The following ITGA7 variants were observed in gnomAD, a reference collection of about 807,000 sequenced individuals.
ITGA7 encodes integrin alpha-7.
A neutral mutation model predicts 131.6 loss-of-function variants in ITGA7; 84 were observed. That is an observed-to-expected ratio of 0.64 (90% CI 0.54 to 0.77). The LOEUF (loss-of-function observed/expected upper bound fraction) is 0.77, where lower values mean the gene tolerates loss of function less well. Among genes scored for constraint, ITGA7 ranks in the 30% least tolerant of loss-of-function variants. The pLI, the probability that ITGA7 is intolerant of heterozygous loss-of-function variation, is 0.00. For missense variants in ITGA7, 1,399 were observed against 1,482.9 expected (o/e 0.94, Z 0.93); for synonymous variants, 548 against 600.7 (o/e 0.91, Z 1.28).
chr12:55,692,879 C>A lies in ITGA7; in HGVS notation c.2809G>T (p.Val937Leu). The A allele has an allele frequency of 6.2e-7, 1 of 1,614,008 alleles. No homozygotes were observed. Among genetic ancestry groups the A allele is most frequent in the Non-Finnish European group, 8.5e-7 (1 of 1,179,960 alleles). The change falls in exon 21 of 25, where the codon GTG becomes TTG. Residue 937 changes from valine (V) to leucine (L), a missense_variant. Val to Leu is a conservative substitution (Grantham distance 32, BLOSUM62 1). Transcript: ENST00000257879. ...TTTTTCTTCTTCTCAGCAGAGGACACTGGCCACCAGGACATGCTGGGCTCC... is the reference window on the plus strand; with the variant it reads ...TTTTTCTTCTTCTCAGCAGAGGACAATGGCCACCAGGACATGCTGGGCTCC... ...RQEPSMSWWP[V>L]SSAEKKKNIT...
rs1873291685 is a variant in ITGA7, at chr12:55,698,889, C to T, written c.819G>A (p.Leu273=). 2 of 1,613,510 alleles carry T rather than the reference C, an allele frequency of 1.2e-6. No homozygotes were observed. The highest frequency in any genetic ancestry group is 4.5e-5 in the East Asian group (2 of 44,856). Reference sequence around the variant, plus strand: ...CAAAGCTCAGCTCTTCTGCACGCACCAGACCTTTCCCCGAGTCAATAGAGA... The same window carrying T: ...CAAAGCTCAGCTCTTCTGCACGCACTAGACCTTTCCCCGAGTCAATAGAGA... ...LGFSIDSGKG[L]VRAEELSFVA... Residue 273 remains leucine, a synonymous_variant, in exon 6 of 25, where the codon CTG becomes CTA. Coordinates refer to ENST00000257879, the MANE Select transcript of ITGA7 (RefSeq NM_002206.3).
rs562159698 is a variant in ITGA7 at position 55,686,700 on chromosome 12, G to C, written c.3183+1271C>G. Among the ~76,000 whole-genome samples, 210 of 152,344 alleles carry C rather than the reference G, an allele frequency of 1.4e-3. 2 individuals are homozygous for C. The highest frequency in any genetic ancestry group is 4.5e-3 in the African/African-American group (187 of 41,590). ...TGATTCCGTGTACTGACGTGTGCAT[G>C]TGCATACTTTTACATTGAGCCCTGG... is the stretch of plus-strand genomic sequence containing the variant. On this transcript the variant is annotated intron_variant, in intron 24 of 24. Coordinates refer to ENST00000257879, the MANE Select transcript of ITGA7 (RefSeq NM_002206.3).
Position 55,685,232 on chromosome 12 carries a change from CG to C in ITGA7, c.3239del (p.Ala1080GlyfsTer2). On this transcript the variant is annotated frameshift_variant, in exon 25 of 25. Coordinates refer to ENST00000257879, the MANE Select transcript of ITGA7 (RefSeq NM_002206.3). LOFTEE classifies it high-confidence loss of function. Reference sequence around the variant, plus strand: ...GTCGGTCTTCCCGAGGAATCTTCACCGCATGGTACTGGGGCACGGTGGCCTC... The same window carrying C: ...GTCGGTCTTCCCGAGGAATCTTCACCCATGGTACTGGGGCACGGTGGCCTC... Reference protein sequence around the residue: ...HPEATVPQYHAVKIPREDRQQ... With the variant: ...HPEATVPQYHXVKIPREDRQQ... 2 of 1,614,212 alleles carry C rather than the reference CG, an allele frequency of 1.2e-6. No homozygotes were observed. Among genetic ancestry groups the C allele is most frequent in the Non-Finnish European group, 1.7e-6 (2 of 1,180,032 alleles).
At chr12:55,701,545 G>T in intron 3 of ITGA7, 1 of 845,700 alleles carries the variant, frequency 1.2e-6, no homozygotes, top group Non-Finnish European at 1.9e-6. Flanking sequence ...CATCTCATCT[G>T]CAAAGAACTT....
At chr12:55,698,139 C>CA (rs1199719311) in intron 7 of ITGA7, 113 bp from the exon 8 acceptor site, 1 of 1,067,076 alleles carries the variant, frequency 9.4e-7, no homozygotes, top group Non-Finnish European at 1.4e-6. Flanking sequence ...TGAGAGGCTA[C>CA]AAAATCCCAG....
Position 55,693,176 on chromosome 12 carries a change from C to G in ITGA7, c.2677G>C (p.Gly893Arg). Residue 893 changes from glycine to arginine, a missense_variant, in exon 20 of 25, where the codon GGG (glycine) becomes CGG (arginine). Coordinates refer to ENST00000257879, the MANE Select transcript of ITGA7 (RefSeq NM_002206.3). ...ATGTTGGGCCTGGGAGAGCAAAGCC[C>G]TTTCTGCCCAGGCCCCTGCCCGCCC... ...LEGGQGPGQK[G>R]LCSPRPNILH... is the part of the protein sequence containing the mutation. The G allele has an allele frequency of 6.2e-7, 1 of 1,614,086 alleles. No individual in the cohort carries two copies.
chr12:55,694,304 A>C lies in ITGA7; in HGVS notation c.2384T>G (p.Val795Gly). Residue 795 changes from valine (V) to glycine (G), a missense_variant, in exon 18 of 25, where the codon GTC (valine) becomes GGC (glycine). By Grantham distance (109) the Val-to-Gly change is moderately radical. Transcript: ENST00000257879. The surrounding 1 kb of genome is among the most constrained non-coding windows in gnomAD (Gnocchi z 5.3). Reference sequence around the variant, plus strand: ...AATGAAGACACGGGCTCGTGCAGAGACTGGATGCAGCTCCTGCTCACTGAT... The same window carrying C: ...AATGAAGACACGGGCTCGTGCAGAGCCTGGATGCAGCTCCTGCTCACTGAT... ...ATISEQELHP[V>G]SARARVFIEL... 1.9e-6 allele frequency: 3 copies of C among 1,613,988 alleles called. No individual in the cohort carries two copies. Among genetic ancestry groups the C allele is most frequent in the Non-Finnish European group, 1.7e-6 (2 of 1,180,038 alleles).
rs145740314 is a variant in ITGA7 at position 55,695,559 on chromosome 12, T to G, written c.1966A>C (p.Thr656Pro). ...NLQLVRARFC[T>P]RVSDTEFQPL... is the part of the protein sequence containing the mutation. ...TGGAATTCCGTGTCGCTGACCCGGG[T>G]ACAGAAGCGGGCGCGGACCAGCTGC... is the stretch of plus-strand genomic sequence containing the variant. Residue 656 changes from threonine (T) to proline (P), a missense_variant, in exon 14 of 25, where the codon ACC (threonine) becomes CCC (proline). Thr to Pro is a conservative substitution (Grantham distance 38). Transcript: ENST00000257879. The G allele has an allele frequency of 6.2e-7, 1 of 1,602,014 alleles. No individual in the cohort carries two copies. Among genetic ancestry groups the G allele is most frequent in the Non-Finnish European group, 8.5e-7 (1 of 1,173,870 alleles).
Position 55,694,766 on chromosome 12 carries a change from C to A in ITGA7, c.2196+12G>T. 3.7e-6 allele frequency: 6 copies of A among 1,614,088 alleles called. No homozygotes were observed. The highest frequency in any genetic ancestry group is 5.1e-6 in the Non-Finnish European group (6 of 1,179,982). On this transcript the variant is annotated intron_variant, in intron 15 of 24. Transcript: ENST00000257879. The surrounding 1 kb of genome is among the most constrained non-coding windows in gnomAD (Gnocchi z 5.3). Reference sequence around the variant, plus strand: ...CTCAAGACCCCACCCCATCCTGCCCCCAGGTCCTCACCGCAGGGTCCAGGG... The same window carrying A: ...CTCAAGACCCCACCCCATCCTGCCCACAGGTCCTCACCGCAGGGTCCAGGG...
chr12:55,698,173 A>G, intron 7 of ITGA7, 147 bp from the exon 8 acceptor site: 1 of 880,802 alleles, frequency 1.1e-6, no homozygotes, highest in Non-Finnish European at 1.8e-6. Flanking sequence ...ATCATCTTTA[A>G]TCCTCTTGGC....
upstream of ITGA7, among the ~76,000 whole-genome samples, chr12:55,710,457 A>AATT (rs1213710825): frequency 1.6e-3 from 248 of 152,216 alleles, 3 homozygotes; most frequent in East Asian, 7.9e-3. Context: ...TATTTCAGTC[A>AATT]AGAGCTTAGG....
At chr12:55,701,846 G>T (rs1475886841) in intron 3 of ITGA7, among the ~76,000 whole-genome samples, 1 of 152,174 alleles carries the variant, frequency 6.6e-6, no homozygotes, top group Non-Finnish European at 1.5e-5. Context: ...CTCTGCAGAA[G>T]TCTTCTCTCT....
chr12:55,697,662 C>G (rs1019525698), intron 9 of ITGA7, 33 bp downstream of exon 9: 1 of 1,614,006 alleles, frequency 6.2e-7, no homozygotes, highest in Non-Finnish European at 8.5e-7. Context: ...GGGCTGACGG[C>G]CTCAGGGAGG....
intron 24 of ITGA7, among the ~76,000 whole-genome samples, chr12:55,685,593 C>T (rs953613359): frequency 6.6e-6 from 1 of 152,058 alleles, no homozygotes; most frequent in East Asian, 1.9e-4. Context: ...AAGATTTGTA[C>T]CCCCTCTAGC....
At chr12:55,709,257 C>A (rs564314409), upstream of ITGA7, among the ~76,000 whole-genome samples, 3 of 152,202 alleles carry the variant, frequency 2.0e-5, no homozygotes, top group Non-Finnish European at 4.4e-5. Flanking sequence ...ATTCTTTCTT[C>A]TCTTTCCCTT....
chr12:55,696,861 T>C, intron 12 of ITGA7, 38 bp downstream of exon 12: 1 of 1,611,398 alleles, frequency 6.2e-7, no homozygotes, highest in Non-Finnish European at 8.5e-7. Flanking sequence ...GATGGAGCCA[T>C]GAAAATGACC....
At chr12:55,711,495 T>A (rs1049712489), upstream of ITGA7, among the ~76,000 whole-genome samples, 44 of 151,720 alleles carry the variant, frequency 2.9e-4, no homozygotes, top group East Asian at 9.7e-4. Flanking sequence ...AAAAAAAATT[T>A]AAAAATTTTG....
chr12:55,702,799 C>G, intron 3 of ITGA7, 73 bp downstream of exon 3: 1 of 1,260,122 alleles, frequency 7.9e-7, no homozygotes, highest in Middle Eastern at 1.9e-4. Context: ...CACACCTATG[C>G]GTATGCACAC....
Position 55,693,269 on chromosome 12 carries a change from T to G in ITGA7, c.2584A>C (p.Asn862His), listed in dbSNP as rs1475190884. The change falls in exon 20 of 25, where the codon AAC becomes CAC. Residue 862 changes from asparagine to histidine, a missense_variant. By Grantham distance (68) the Asn-to-His change is moderately conservative. Coordinates refer to ENST00000257879, the MANE Select transcript of ITGA7 (RefSeq NM_002206.3). Reference sequence around the variant, plus strand: ...GCAATCTCATGAGGCCACATGATGTTGAGGAAGGCAGAGCCCAGGGTTCTG... The same window carrying G: ...GCAATCTCATGAGGCCACATGATGTGGAGGAAGGCAGAGCCCAGGGTTCTG... ...SLRTLGSAFL[N>H]IMWPHEIANG... 1 of 1,614,064 alleles carries G rather than the reference T, an allele frequency of 6.2e-7. No homozygotes were observed. Among genetic ancestry groups the G allele is most frequent in the Non-Finnish European group, 8.5e-7 (1 of 1,180,028 alleles).
Sources: allele counts gnomAD v4.1 joint callset (sites outside exome capture counted in the v4.1 genomes callset), GRCh38; gene constraint gnomAD v4.1.1; non-coding constraint Gnocchi (gnomAD v3.1); transcripts MANE v1.5; gene names NCBI Gene and HGNC (gene_info 2026-07-23, HGNC 2026-07-21).